Variants in MTHFD2L observed in about 807,000 individuals in gnomAD.
MTHFD2L encodes the protein bifunctional methylenetetrahydrofolate dehydrogenase/cyclohydrolase 2, mitochondrial.
Under a neutral mutation model 34.9 loss-of-function variants are expected in MTHFD2L, and 29 were observed. That is an observed-to-expected ratio of 0.83 (90% CI 0.62 to 1.13). MTHFD2L has a LOEUF of 1.13. MTHFD2L is among the 50% of genes most tolerant of loss of function. MTHFD2L has a pLI of 0.00. For synonymous variants in MTHFD2L, 167 were observed against 155.7 expected (o/e 1.07, Z -0.54); for missense variants, 481 against 446.5 (o/e 1.08, Z -0.70).
At chr4:74,197,693 C>A (rs953150990) in intron 3 of MTHFD2L, among the ~76,000 whole-genome samples, 2 of 152,170 alleles carry the variant, frequency 1.3e-5, no homozygotes, top group African/African-American at 4.8e-5. Flanking sequence ...TTGACTCTAA[C>A]TCCTTGAACT....
At chr4:74,208,396 T>C (rs896164106) in intron 5 of MTHFD2L, among the ~76,000 whole-genome samples, 2 of 152,118 alleles carry the variant, frequency 1.3e-5, no homozygotes, top group Non-Finnish European at 2.9e-5. Context: ...AAATTATACA[T>C]TATTATCAGA....
intron 1 of MTHFD2L, chr4:74,160,079 T>G: frequency 1.6e-6 from 2 of 1,289,476 alleles, no homozygotes; most frequent in Non-Finnish European, 2.0e-6. Context: ...AGAGATTCCA[T>G]CTTCCAGAGG....
At chr4:74,119,861 C>T (rs562352110), upstream of MTHFD2L, among the ~76,000 whole-genome samples, 1 of 152,138 alleles carries the variant, frequency 6.6e-6, no homozygotes, top group Non-Finnish European at 1.5e-5. Context: ...TCACATTCTC[C>T]AAGCCCTCTT....
chr4:74,261,439 A>G (rs1744672009), intron 6 of MTHFD2L, among the ~76,000 whole-genome samples: 1 of 152,116 alleles, frequency 6.6e-6, no homozygotes, highest in African/African-American at 2.4e-5. Context: ...GAATATAGAA[A>G]GAACTTTTCA....
chr4:74,257,671 T>C (rs914422285), intron 6 of MTHFD2L, among the ~76,000 whole-genome samples: 36 of 152,310 alleles, frequency 2.4e-4, no homozygotes, highest in Admixed American at 2.0e-3. Flanking sequence ...AAAAAGCTTC[T>C]GGACTTTGGT....
chr4:74,242,523 A>G (rs1179501612), intron 6 of MTHFD2L, among the ~76,000 whole-genome samples: 1 of 152,196 alleles, frequency 6.6e-6, no homozygotes, highest in African/African-American at 2.4e-5. Context: ...TTTCTATATT[A>G]TAGATGCAAA....
At chr4:74,145,901 C>A (rs1489129769) in intron 1 of MTHFD2L, among the ~76,000 whole-genome samples, 1 of 152,136 alleles carries the variant, frequency 6.6e-6, no homozygotes, top group Non-Finnish European at 1.5e-5. Context: ...CTCTCTGAGG[C>A]CTCCCGAGAA....
intron 2 of MTHFD2L, among the ~76,000 whole-genome samples, chr4:74,116,844 C>G (rs904219938): frequency 6.6e-6 from 1 of 152,210 alleles, no homozygotes; most frequent in African/African-American, 2.4e-5. Flanking sequence ...GTAGTTTGCA[C>G]TAGGCATATA....
intron 6 of MTHFD2L, among the ~76,000 whole-genome samples, chr4:74,271,529 T>C (rs1284013869): frequency 6.6e-6 from 1 of 152,254 alleles, no homozygotes; most frequent in East Asian, 1.9e-4. Flanking sequence ...CATTGGTCTA[T>C]ATCTCTATTT....
At chr4:74,290,139 C>T (rs917249953) in intron 7 of MTHFD2L, among the ~76,000 whole-genome samples, 2 of 152,160 alleles carry the variant, frequency 1.3e-5, no homozygotes, top group Non-Finnish European at 2.9e-5. Context: ...GGAAATCTCC[C>T]CTATAAAGGG....
intron 6 of MTHFD2L, among the ~76,000 whole-genome samples, chr4:74,251,043 G>C (rs1405427386): frequency 6.6e-6 from 1 of 152,048 alleles, no homozygotes; most frequent in East Asian, 1.9e-4. Context: ...CCTTCTCCAC[G>C]ACTTCAGATT....
chr4:74,177,815 A>T (rs568480666), intron 3 of MTHFD2L, among the ~76,000 whole-genome samples: 1 of 152,116 alleles, frequency 6.6e-6, no homozygotes, highest in African/African-American at 2.4e-5. Context: ...AATGCTGCAC[A>T]TTGCAGCATT....
chr4:74,211,168 C>G (rs1578481133), intron 5 of MTHFD2L, among the ~76,000 whole-genome samples: 1 of 152,096 alleles, frequency 6.6e-6, no homozygotes, highest in Admixed American at 6.6e-5. Flanking sequence ...TTTGAATACC[C>G]TTTATTTTTT....
At chr4:74,239,572 C>A (rs1278818629) in intron 6 of MTHFD2L, among the ~76,000 whole-genome samples, 1 of 151,372 alleles carries the variant, frequency 6.6e-6, no homozygotes, top group Non-Finnish European at 1.5e-5. Context: ...CATAATTGCT[C>A]ATTTTAAAAA....
chr4:74,202,670 G>T (rs191694812), intron 5 of MTHFD2L, among the ~76,000 whole-genome samples: 109 of 152,252 alleles, frequency 7.2e-4, no homozygotes, highest in Non-Finnish European at 1.4e-3. Context: ...AATAGAAGTA[G>T]TTATTGGTTT....
At chr4:74,231,062 G>A (rs1472184972) in intron 6 of MTHFD2L, among the ~76,000 whole-genome samples, 2 of 152,206 alleles carry the variant, frequency 1.3e-5, no homozygotes, top group African/African-American at 2.4e-5. Flanking sequence ...CCAGCATGAC[G>A]AATGAACCTT....
chr4:74,242,897 AAGT>A (rs1353366617), intron 6 of MTHFD2L, among the ~76,000 whole-genome samples: 1 of 152,246 alleles, frequency 6.6e-6, no homozygotes, highest in African/African-American at 2.4e-5. Flanking sequence ...AATTTACAAA[AAGT>A]TTGCCAAGTT....
Position 74,246,785 on chromosome 4 carries a change from G to T in MTHFD2L, c.805+21391G>T, listed in dbSNP as rs923269203. On this transcript the variant is annotated intron_variant, in intron 6 of 7. Coordinates refer to ENST00000325278, the MANE Select transcript of MTHFD2L (RefSeq NM_001144978.3). ...CTCAGGTTTGTCAAAGATCAGATAG[G>T]AGTAGATATGCGGCATTATTTCTGA... Among the ~76,000 whole-genome samples the T allele has an allele frequency of 2.1e-4, 32 of 152,138 alleles. No homozygotes were observed. The South Asian group carries it at 2.3e-3, about 11-fold the overall frequency.
chr4:74,281,325 G>A (rs1272953673), intron 6 of MTHFD2L, 100 bp from the exon 7 acceptor site: 10 of 325,120 alleles, frequency 3.1e-5, no homozygotes, highest in East Asian at 2.4e-4. Context: ...TTACACATAC[G>A]TGTGTGTGTG....
Sources: gnomAD v4.1 joint callset for allele counts (sites outside exome capture counted in the v4.1 genomes callset) on GRCh38, gnomAD v4.1.1 for gene constraint, MANE v1.5 for transcripts, NCBI Gene and HGNC (gene_info 2026-07-23, HGNC 2026-07-21) for gene names.